ELMO1: variants seen among roughly 807,000 people sequenced by gnomAD.
The protein encoded by ELMO1 is engulfment and cell motility protein 1.
ELMO1 carries 26 observed loss-of-function variants against 98.9 expected under a neutral mutation model. The observed-to-expected ratio is 0.26, with a 90% CI of 0.19 to 0.36. ELMO1 has a LOEUF of 0.36. Ranked by LOEUF, ELMO1 falls within the 10% of genes least tolerant of loss-of-function variation. The pLI is 1.00. For missense variants in ELMO1, 627 were observed against 935.2 expected (o/e 0.67, Z 4.30); for synonymous variants, 346 against 346.0 (o/e 1.00, Z 0.00).
chr7:37,222,736 C>A, intron 9 of ELMO1, 43 bp from the exon 10 acceptor site: 2 of 1,586,962 alleles, frequency 1.3e-6, no homozygotes, highest in South Asian at 2.2e-5. Flanking sequence ...AACACGAAGT[C>A]AGAAGAGGCT....
At chr7:37,272,140 G>A (rs938736607) in intron 4 of ELMO1, among the ~76,000 whole-genome samples, 1 of 152,044 alleles carries the variant, frequency 6.6e-6, no homozygotes, top group African/African-American at 2.4e-5. Context: ...GGTTATTAAG[G>A]GCATATGACC....
intron 15 of ELMO1, among the ~76,000 whole-genome samples, chr7:37,073,360 T>C (rs1413067747): frequency 6.6e-6 from 1 of 152,228 alleles, no homozygotes; most frequent in African/African-American, 2.4e-5. Flanking sequence ...TACATGTATA[T>C]GCAAACACAT....
chr7:37,206,138 A>G (rs1792604294), intron 13 of ELMO1, among the ~76,000 whole-genome samples: 1 of 152,208 alleles, frequency 6.6e-6, no homozygotes, highest in Admixed American at 6.5e-5. Flanking sequence ...TTCCAATAAT[A>G]TTAATATCAA....
chr7:36,866,226 C>T (rs1803023424), intron 20 of ELMO1, among the ~76,000 whole-genome samples: 1 of 152,154 alleles, frequency 6.6e-6, no homozygotes, highest in African/African-American at 2.4e-5. Flanking sequence ...ATTTAGAATC[C>T]TTAATCCTTG....
At chr7:37,339,436 T>A (rs1019443520) in intron 2 of ELMO1, among the ~76,000 whole-genome samples, 3 of 152,206 alleles carry the variant, frequency 2.0e-5, no homozygotes, top group African/African-American at 7.2e-5. Flanking sequence ...ACCCAACTTT[T>A]GGAAACGGCT....
chr7:37,421,412 A>G (rs540468992), intron 1 of ELMO1, among the ~76,000 whole-genome samples: 1 of 152,284 alleles, frequency 6.6e-6, no homozygotes, highest in East Asian at 1.9e-4. Context: ...AATTGCTTGC[A>G]CCCTTCCGAA....
At chr7:37,265,324 T>C (rs956158889) in intron 5 of ELMO1, among the ~76,000 whole-genome samples, 1 of 152,160 alleles carries the variant, frequency 6.6e-6, no homozygotes, top group African/African-American at 2.4e-5. Context: ...CCCTTTCTTC[T>C]GTATCATCAA....
At chr7:37,094,547 C>T (rs1437319124) in intron 15 of ELMO1, among the ~76,000 whole-genome samples, 2 of 152,124 alleles carry the variant, frequency 1.3e-5, no homozygotes, top group East Asian at 1.9e-4. Context: ...CAGATTCTTG[C>T]CAGCTGAGGT....
intron 16 of ELMO1, among the ~76,000 whole-genome samples, chr7:36,914,702 C>T (rs966333249): frequency 3.0e-4 from 46 of 152,018 alleles, no homozygotes; most frequent in African/African-American, 8.7e-4. Context: ...TTAGTAGAGA[C>T]GGGGTTTCAC....
At chr7:36,894,371 G>C (rs1205444115) in intron 17 of ELMO1, among the ~76,000 whole-genome samples, 1 of 152,160 alleles carries the variant, frequency 6.6e-6, no homozygotes, top group African/African-American at 2.4e-5. Flanking sequence ...AGTGCCAACA[G>C]GGCAAAGAGG....
At chr7:36,946,538 G>A (rs1787501095) in intron 16 of ELMO1, among the ~76,000 whole-genome samples, 1 of 152,160 alleles carries the variant, frequency 6.6e-6, no homozygotes, top group Non-Finnish European at 1.5e-5. Flanking sequence ...GGCATGTTCC[G>A]CAACCACCTC....
At chr7:37,213,630 G>C (rs1215837447) in intron 11 of ELMO1, among the ~76,000 whole-genome samples, 173 bp from the exon 12 acceptor site, 2 of 152,202 alleles carry the variant, frequency 1.3e-5, no homozygotes, top group Non-Finnish European at 2.9e-5. Context: ...AGCCCAGTAA[G>C]GTTCCTGATC....
At chr7:36,897,325 C>CGTGTGTGTGTGTGTGTGTGTGT (rs11267559) in intron 16 of ELMO1, among the ~76,000 whole-genome samples, 61 of 46,922 alleles carry the variant, frequency 1.3e-3, no homozygotes, top group Admixed American at 3.1e-3. Context: ...AGAAAACAGA[C>CGTGTGTGTGTGTGTGTGTGTGT]GTGTGTGTGT....
intron 16 of ELMO1, chr7:36,986,187 G>T (rs933465848): frequency 7.3e-5 from 72 of 985,510 alleles, no homozygotes; most frequent in Non-Finnish European, 8.7e-5. Context: ...GCCCAGGGAT[G>T]CTCCGATTGG....
chr7:37,196,249 C>T (rs995508402), intron 13 of ELMO1, among the ~76,000 whole-genome samples: 2 of 152,212 alleles, frequency 1.3e-5, no homozygotes, highest in East Asian at 1.9e-4. Flanking sequence ...CAAGACAGCA[C>T]AGCCTCGAGG....
chr7:36,992,580 C>T (rs181326869), intron 16 of ELMO1, among the ~76,000 whole-genome samples: 73 of 152,248 alleles, frequency 4.8e-4, no homozygotes, highest in Non-Finnish European at 8.8e-4. Context: ...TGACAAAAAG[C>T]GACTGGGCCA....
intron 13 of ELMO1, among the ~76,000 whole-genome samples, chr7:37,179,650 T>C (rs2129965215): frequency 6.6e-6 from 1 of 151,786 alleles, no homozygotes; most frequent in East Asian, 1.9e-4. Context: ...CAAATACATG[T>C]GAATGGGGAA....
At chr7:37,296,574 A>G (rs1987175) in intron 4 of ELMO1, among the ~76,000 whole-genome samples, 128,718 of 152,078 alleles carry the variant, frequency 0.85, 55,757 homozygotes, top group Non-Finnish European at 0.94. Context: ...TTATTCACAG[A>G]CCCAGATCAC....
intron 13 of ELMO1, among the ~76,000 whole-genome samples, chr7:37,167,711 G>A (rs1298028194): frequency 3.9e-4 from 59 of 152,340 alleles, no homozygotes; most frequent in Non-Finnish European, 3.5e-4. Context: ...GAGATCAGCT[G>A]TTAGTCTGAT....
Sources: allele counts gnomAD v4.1 joint callset (sites outside exome capture counted in the v4.1 genomes callset), GRCh38; gene constraint gnomAD v4.1.1; transcripts MANE v1.5; gene names NCBI Gene and HGNC (gene_info 2026-07-23, HGNC 2026-07-21).